The following AGBL4 variants were observed in gnomAD, a reference collection of about 807,000 sequenced individuals.
AGBL4 encodes cytosolic carboxypeptidase 6.
AGBL4 carries 58 observed loss-of-function variants against 66.4 expected under a neutral mutation model. The ratio of observed to expected loss-of-function variants is 0.87; its 90% confidence interval spans 0.71 to 1.09. The LOEUF (loss-of-function observed/expected upper bound fraction) is 1.09. AGBL4 is among the 50% of genes least tolerant of loss of function. The pLI, the probability that AGBL4 is intolerant of heterozygous loss-of-function variation, is 0.00. For missense variants in AGBL4, 579 were observed against 631.0 expected (o/e 0.92, Z 0.88); for synonymous variants, 234 against 222.9 (o/e 1.05, Z -0.44).
chr1:48,615,648 C>A (rs1289258147), intron 9 of AGBL4, among the ~76,000 whole-genome samples: 1 of 152,158 alleles, frequency 6.6e-6, no homozygotes, highest in Admixed American at 6.5e-5. Flanking sequence ...GATTGCTTTT[C>A]CTATTTGCAT....
rs1313839688 is a variant in AGBL4 at position 48,554,934 on chromosome 1, A to G, written c.1268-15196T>C. Among the ~76,000 whole-genome samples the G allele has an allele frequency of 2.0e-5, 3 of 152,186 alleles. No homozygotes were observed. In the East Asian group the frequency reaches 5.8e-4, roughly 29 times the overall value. The stretch of plus-strand genomic sequence containing the variant: ...TAACTTTCTTAAAATTAATTCATTT[A>G]TTCAATATTTATTGAGTATCTGCTG... On this transcript the variant is annotated intron_variant, in intron 11 of 13. Transcript: ENST00000371839.
chr1:48,676,751 C>T (rs1034113931), intron 6 of AGBL4, among the ~76,000 whole-genome samples: 3 of 152,146 alleles, frequency 2.0e-5, no homozygotes, highest in Admixed American at 6.5e-5. Flanking sequence ...GCAAGAAACA[C>T]GGTTTATTTT....
the AGBL4 span, among the ~76,000 whole-genome samples, chr1:48,523,653 C>G: frequency 1.3e-5 from 2 of 152,160 alleles, no homozygotes; most frequent in Admixed American, 1.3e-4. Context: ...TTGAAAGTCC[C>G]CACCCCATGT....
At chr1:49,008,491 A>C (rs1662056995) in intron 5 of AGBL4, among the ~76,000 whole-genome samples, 1 of 148,258 alleles carries the variant, frequency 6.7e-6, no homozygotes, top group African/African-American at 2.5e-5. Context: ...CAACAAGGAT[A>C]CCCAGGAATT....
intron 3 of AGBL4, among the ~76,000 whole-genome samples, chr1:49,286,869 A>G (rs1237732724): frequency 3.9e-5 from 6 of 152,070 alleles, no homozygotes; most frequent in Admixed American, 6.6e-5. Context: ...CTACTTTAAA[A>G]TTCATATGGA....
intron 2 of AGBL4, among the ~76,000 whole-genome samples, chr1:49,741,237 G>C (rs1215875730): frequency 6.6e-6 from 1 of 152,170 alleles, no homozygotes; most frequent in Non-Finnish European, 1.5e-5. Context: ...CAATCCCACA[G>C]AAATACAAAC....
intron 2 of AGBL4, among the ~76,000 whole-genome samples, chr1:49,813,819 T>C (rs892309771): frequency 1.3e-5 from 2 of 152,102 alleles, no homozygotes; most frequent in Non-Finnish European, 2.9e-5. Flanking sequence ...GTACTTGATA[T>C]GGTTTGGCTG....
chr1:49,962,446 C>A (rs578005068), intron 1 of AGBL4, among the ~76,000 whole-genome samples: 1 of 152,088 alleles, frequency 6.6e-6, no homozygotes, highest in African/African-American at 2.4e-5. Context: ...ATTCTAATGG[C>A]ATCATTTCAT....
At chr1:49,489,487 C>G (rs575531093) in intron 3 of AGBL4, among the ~76,000 whole-genome samples, 1 of 151,780 alleles carries the variant, frequency 6.6e-6, no homozygotes, top group South Asian at 2.1e-4. Context: ...TGTGGTTTCC[C>G]TCTCCACTTT....
At chr1:49,461,223 C>T (rs1330385595) in intron 3 of AGBL4, among the ~76,000 whole-genome samples, 1 of 151,562 alleles carries the variant, frequency 6.6e-6, no homozygotes, top group East Asian at 1.9e-4. Flanking sequence ...TCTCTTCTTC[C>T]TCAAGAACAC....
chr1:49,324,530 G>C (rs1000605393), intron 3 of AGBL4, among the ~76,000 whole-genome samples: 1 of 152,214 alleles, frequency 6.6e-6, no homozygotes, highest in Non-Finnish European at 1.5e-5. Context: ...CTGGCACCAA[G>C]ACTGCCTTCC....
chr1:49,112,861 A>G (rs2148024536), intron 4 of AGBL4, among the ~76,000 whole-genome samples: 1 of 152,208 alleles, frequency 6.6e-6, no homozygotes, highest in South Asian at 2.1e-4. Flanking sequence ...AACCCCTCAT[A>G]GCTATTCATA....
chr1:49,845,083 C>G, intron 2 of AGBL4: 1 of 1,451,400 alleles, frequency 6.9e-7, no homozygotes, highest in South Asian at 1.2e-5. Context: ...CTACAAATGT[C>G]AGGAATGCAG....
chr1:48,822,705 T>C (rs1646343080), intron 6 of AGBL4, among the ~76,000 whole-genome samples: 1 of 152,238 alleles, frequency 6.6e-6, no homozygotes, highest in South Asian at 2.1e-4. Flanking sequence ...AACTACACCA[T>C]TGGCTCTCCT....
intron 5 of AGBL4, among the ~76,000 whole-genome samples, chr1:49,014,783 T>C (rs1208511742): frequency 6.6e-6 from 1 of 152,190 alleles, no homozygotes; most frequent in African/African-American, 2.4e-5. Flanking sequence ...CCTAATCATA[T>C]ATGAGCAGTA....
intron 3 of AGBL4, among the ~76,000 whole-genome samples, chr1:49,445,807 G>C (rs1042840621): frequency 6.6e-6 from 1 of 151,430 alleles, no homozygotes; most frequent in Non-Finnish European, 1.5e-5. Context: ...GAATTCTTTT[G>C]TATCTCACTT....
At chr1:49,739,068 G>C (rs921910008) in intron 2 of AGBL4, among the ~76,000 whole-genome samples, 3 of 152,214 alleles carry the variant, frequency 2.0e-5, no homozygotes, top group African/African-American at 7.2e-5. Flanking sequence ...TGACTTTGAC[G>C]AGTTGAGAGA....
At chr1:49,414,237 T>C in intron 3 of AGBL4, among the ~76,000 whole-genome samples, 1 of 152,160 alleles carries the variant, frequency 6.6e-6, no homozygotes, top group East Asian at 1.9e-4. Context: ...TATATTGAAC[T>C]CACATTAATA....
intron 1 of AGBL4, among the ~76,000 whole-genome samples, chr1:50,020,066 A>T (rs976771822): frequency 1.3e-5 from 2 of 152,008 alleles, no homozygotes; most frequent in African/African-American, 4.8e-5. Context: ...CATGCTTAAG[A>T]TATCTTAAGT....
Sources: allele counts gnomAD v4.1 joint callset (sites outside exome capture counted in the v4.1 genomes callset), GRCh38; gene constraint gnomAD v4.1.1; transcripts MANE v1.5; gene names NCBI Gene and HGNC (gene_info 2026-07-23, HGNC 2026-07-21).